The following XKR4 variants were observed in gnomAD, a reference collection of about 807,000 sequenced individuals.
XKR4 encodes the protein XK-related protein 4.
A neutral mutation model predicts 53.9 loss-of-function variants in XKR4; 12 were observed. The ratio of observed to expected loss-of-function variants is 0.22; its 90% CI spans 0.14 to 0.36. XKR4 has a LOEUF of 0.36. XKR4 is among the 10% of genes least tolerant of loss of function. The pLI is 1.00. For synonymous variants in XKR4, 354 were observed against 362.4 expected, an observed-to-expected ratio of 0.98 and a Z score of 0.26; for missense variants, 799 against 859.5, an observed-to-expected ratio of 0.93 and a Z score of 0.88.
intron 2 of XKR4, among the ~76,000 whole-genome samples, chr8:55,390,228 T>C (rs991113765): frequency 6.6e-6 from 1 of 152,218 alleles, no homozygotes; most frequent in Admixed American, 6.5e-5. Flanking sequence ...AGATTTCTAG[T>C]GATGTTCCTG....
At chr8:55,352,741 C>A (rs1045637893) in intron 1 of XKR4, among the ~76,000 whole-genome samples, 1 of 152,110 alleles carries the variant, frequency 6.6e-6, no homozygotes, top group African/African-American at 2.4e-5. Flanking sequence ...CATATTAAGG[C>A]AGAGAGATTT....
At chr8:55,218,373 C>A (rs1299361824) in intron 1 of XKR4, among the ~76,000 whole-genome samples, 1 of 152,132 alleles carries the variant, frequency 6.6e-6, no homozygotes, top group Non-Finnish European at 1.5e-5. Context: ...AAACTCAATT[C>A]TTTATGAAAC....
chr8:55,218,846 T>C (rs2129364992), intron 1 of XKR4, among the ~76,000 whole-genome samples: 1 of 152,312 alleles, frequency 6.6e-6, no homozygotes, highest in East Asian at 1.9e-4. Flanking sequence ...CTCAGAATCA[T>C]TACTCGGCTT....
intron 2 of XKR4, among the ~76,000 whole-genome samples, chr8:55,430,612 A>C (rs923729195): frequency 4.6e-5 from 7 of 152,192 alleles, no homozygotes; most frequent in African/African-American, 7.2e-5. Flanking sequence ...GTGCTATCCT[A>C]CTATAGCTTT....
At chr8:55,289,514 CA>C (rs1363602649) in intron 1 of XKR4, among the ~76,000 whole-genome samples, 76 of 56,702 alleles carry the variant, frequency 1.3e-3, no homozygotes, top group Non-Finnish European at 1.7e-3. Context: ...GATTCTGTCT[CA>C]AAAAAAAAAA....
At chr8:55,219,054 C>G (rs940002347) in intron 1 of XKR4, among the ~76,000 whole-genome samples, 1 of 135,692 alleles carries the variant, frequency 7.4e-6, no homozygotes, top group African/African-American at 2.6e-5. Flanking sequence ...ATTCTTTATT[C>G]TGGCATAAAC....
chr8:55,442,614 A>G (rs1036457911), intron 2 of XKR4, among the ~76,000 whole-genome samples: 3 of 152,260 alleles, frequency 2.0e-5, no homozygotes, highest in African/African-American at 4.8e-5. Flanking sequence ...CAAACATAGT[A>G]TAGCCATGCA....
intron 1 of XKR4, among the ~76,000 whole-genome samples, chr8:55,291,115 GA>G (rs1165675636): frequency 2.0e-5 from 3 of 152,062 alleles, no homozygotes; most frequent in African/African-American, 7.2e-5. Context: ...ACTATTTATT[GA>G]AAATGCTATT....
chr8:55,484,266 A>G (rs1273288184), intron 2 of XKR4, among the ~76,000 whole-genome samples: 1 of 152,218 alleles, frequency 6.6e-6, no homozygotes, highest in African/African-American at 2.4e-5. Context: ...AATAATTAAT[A>G]GTAATCTACA....
intron 1 of XKR4, among the ~76,000 whole-genome samples, chr8:55,117,324 G>A (rs1216657759): frequency 6.6e-6 from 1 of 152,116 alleles, no homozygotes; most frequent in African/African-American, 2.4e-5. Flanking sequence ...TGCTGAGGCA[G>A]GTTTACTTAA....
chr8:55,489,066 G>C (rs2129401979), intron 2 of XKR4, among the ~76,000 whole-genome samples: 1 of 152,250 alleles, frequency 6.6e-6, no homozygotes, highest in Middle Eastern at 3.4e-3. Flanking sequence ...TACAATGGTG[G>C]ATACATGGCA....
At chr8:55,483,860 A>G (rs1194602543) in intron 2 of XKR4, among the ~76,000 whole-genome samples, 2 of 152,162 alleles carry the variant, frequency 1.3e-5, no homozygotes, top group Non-Finnish European at 2.9e-5. Context: ...AAGTGAAAAC[A>G]GAAAAATAGA....
At chr8:55,104,468 G>A (rs6473971) in intron 1 of XKR4, among the ~76,000 whole-genome samples, 127,340 of 152,122 alleles carry the variant, frequency 0.84, 53,373 homozygotes, top group East Asian at 0.93. Context: ...GATAAAAGAT[G>A]TGAGTTCTTG....
chr8:55,319,767 G>T (rs1274494272), intron 1 of XKR4, among the ~76,000 whole-genome samples: 1 of 152,206 alleles, frequency 6.6e-6, no homozygotes, highest in Non-Finnish European at 1.5e-5. Flanking sequence ...ATTCTAGGAA[G>T]TAAGTTATTT....
At chr8:55,495,948 G>A (rs61096309) in intron 2 of XKR4, among the ~76,000 whole-genome samples, 1 of 152,264 alleles carries the variant, frequency 6.6e-6, no homozygotes, top group East Asian at 1.9e-4. Flanking sequence ...CACCATATGA[G>A]AAATATTTTA....
intron 1 of XKR4, chr8:55,140,146 C>A: frequency 2.3e-6 from 1 of 435,806 alleles, no homozygotes; most frequent in Non-Finnish European, 4.6e-6. Flanking sequence ...CTCAGTTATT[C>A]CTGGGTTGGT....
At chr8:55,407,725 G>T (rs910719975) in intron 2 of XKR4, among the ~76,000 whole-genome samples, 1 of 152,230 alleles carries the variant, frequency 6.6e-6, no homozygotes, top group South Asian at 2.1e-4. Flanking sequence ...GGAAAAGACC[G>T]TTCCTAAGAA....
intron 1 of XKR4, among the ~76,000 whole-genome samples, chr8:55,115,016 T>C (rs949067543): frequency 6.6e-6 from 1 of 152,216 alleles, no homozygotes; most frequent in Non-Finnish European, 1.5e-5. Flanking sequence ...AGCTGTGGGC[T>C]TGTTACTGAA....
intron 1 of XKR4, among the ~76,000 whole-genome samples, chr8:55,107,172 T>A (rs1435241861): frequency 1.3e-5 from 2 of 152,196 alleles, no homozygotes; most frequent in African/African-American, 2.4e-5. Flanking sequence ...TTTTATGTCA[T>A]CTACATTTTA....
Sources: allele counts gnomAD v4.1 joint callset (sites outside exome capture counted in the v4.1 genomes callset), GRCh38; gene constraint gnomAD v4.1.1; transcripts MANE v1.5; gene names NCBI Gene and HGNC (gene_info 2026-07-23, HGNC 2026-07-21).